GRPR: variants seen among roughly 807,000 people sequenced by gnomAD.
The protein encoded by GRPR is gastrin-releasing peptide receptor.
In GRPR, 4 loss-of-function variants were observed where a neutral mutation model predicts 15.6. The ratio of observed to expected loss-of-function variants is 0.26; its 90% CI spans 0.13 to 0.59. The LOEUF (loss-of-function observed/expected upper bound fraction) is 0.59, where lower values mean the gene tolerates loss of function less well. GRPR is among the 20% of genes least tolerant of loss of function. GRPR has a pLI of 0.90. For synonymous variants in GRPR, 128 were observed against 126.8 expected, an observed-to-expected ratio of 1.01 and a Z score of -0.06; for missense variants, 270 against 304.1, an observed-to-expected ratio of 0.89 and a Z score of 0.83.
In GRPR at chrX:16,124,032, G is replaced by A. The variant is rs779598310; in HGVS notation, c.79G>A (p.Asp27Asn). The change falls in exon 1 of 3, where the codon GAT (aspartate) becomes AAT (asparagine). Residue 27 changes from aspartate (D) to asparagine (N), a missense_variant. By Grantham distance (23) the Asp-to-Asn change is conservative (BLOSUM62 1). Coordinates refer to ENST00000380289, the MANE Select transcript of GRPR (RefSeq NM_005314.3). ...CTGCAACATCTCCAGTCACAGTGCG[G>A]ATCTCCCCGTGAACGATGACTGGTC... ...MHCNISSHSA[D>N]LPVNDDWSHP... The A allele has an allele frequency of 1.1e-4, 131 of 1,200,002 alleles. 1 individual carries two copies. Among genetic ancestry groups the A allele is most frequent in the Non-Finnish European group, 1.3e-4 (113 of 886,326 alleles).
intron 1 of GRPR, among the ~76,000 whole-genome samples, chrX:16,149,751 A>G (rs971403968): frequency 1.8e-5 from 2 of 110,637 alleles, no homozygotes; most frequent in African/African-American, 6.6e-5. Context: ...AAACAAAGGG[A>G]AATTCAGCTT....
Position 16,152,522 on chromosome X carries a change from G to A in GRPR, c.1032G>A (p.Leu344=), listed in dbSNP as rs766377094. ...AGCTGCTCTGTTGCCAGCCTGGCCT[G>A]ATCATCCGGTCTCACAGCACTGGAA... ...NTQLLCCQPG[L]IIRSHSTGRS... Residue 344 remains leucine (L), a synonymous_variant, in exon 3 of 3, where the codon CTG becomes CTA. Coordinates refer to ENST00000380289, the MANE Select transcript of GRPR (RefSeq NM_005314.3). The A allele has an allele frequency of 5.8e-6, 7 of 1,210,430 alleles. No homozygotes were observed. In the South Asian group the frequency reaches 8.8e-5, roughly 15 times the overall value.
At position 16,123,782 on chromosome X, in the gene GRPR, T is replaced by C. The variant is rs751512247; in HGVS notation, c.-172T>C. ...AGCCAGAGCAGCACCAGTGTCAAAATAGTGACAGAGAGTTTTGAATACCAT... is the reference window on the plus strand; with the variant it reads ...AGCCAGAGCAGCACCAGTGTCAAAACAGTGACAGAGAGTTTTGAATACCAT... On this transcript the variant is annotated 5_prime_UTR_variant, in exon 1 of 3. Transcript: ENST00000380289. 1.0e-5 allele frequency: 5 copies of C among 493,169 alleles called. No homozygotes were observed. Among genetic ancestry groups the C allele is most frequent in the Non-Finnish European group, 1.8e-5 (5 of 280,898 alleles). 40.6% of individuals were successfully genotyped at this position (493,169 alleles called of 1,213,427 possible).
chrX:16,140,720 C>A (rs914787683), intron 1 of GRPR, among the ~76,000 whole-genome samples: 1 of 111,885 alleles, frequency 8.9e-6, no homozygotes, highest in Non-Finnish European at 1.9e-5. Context: ...CCCCAGTTGC[C>A]CACCGTGGTG....
At chrX:16,150,243 C>T in intron 1 of GRPR, 62 bp from the exon 2 acceptor site, 1 of 826,995 alleles carries the variant, frequency 1.2e-6, no homozygotes, top group Non-Finnish European at 1.8e-6. Flanking sequence ...TCAACTTAGT[C>T]CTGGCCCTGG....
intron 1 of GRPR, among the ~76,000 whole-genome samples, chrX:16,140,606 A>C (rs767742840): frequency 3.2e-4 from 36 of 111,256 alleles, no homozygotes; most frequent in Non-Finnish European, 4.9e-4. Flanking sequence ...TGTCAACCAG[A>C]GATGAGAGTT....
At chrX:16,143,384 T>C (rs1248002189) in intron 1 of GRPR, among the ~76,000 whole-genome samples, 2 of 112,948 alleles carry the variant, frequency 1.8e-5, no homozygotes, top group African/African-American at 6.4e-5. Flanking sequence ...CTCTGAATCA[T>C]TGAGGTTTTC....
chrX:16,137,418 G>T (rs1201116272), intron 1 of GRPR, among the ~76,000 whole-genome samples: 1 of 112,051 alleles, frequency 8.9e-6, no homozygotes. Flanking sequence ...ATGGGTGGCA[G>T]ACATGAGGGC....
chrX:16,130,857 A>G (rs1467622569), intron 1 of GRPR, among the ~76,000 whole-genome samples: 2 of 112,092 alleles, frequency 1.8e-5, no homozygotes, highest in Non-Finnish European at 3.8e-5. Context: ...CTGGAAGGAA[A>G]CTCAACTCAT....
At chrX:16,137,133 C>T (rs1203493460) in intron 1 of GRPR, among the ~76,000 whole-genome samples, 2 of 111,753 alleles carry the variant, frequency 1.8e-5, no homozygotes, top group Admixed American at 9.5e-5. Context: ...AAAAGGCATA[C>T]ATCTGTGTGA....
chrX:16,124,951 G>A (rs1922266902), intron 1 of GRPR, among the ~76,000 whole-genome samples: 1 of 112,387 alleles, frequency 8.9e-6, no homozygotes, highest in African/African-American at 3.2e-5. Flanking sequence ...TCTCTTAAAT[G>A]AAATCAAACA....
At chrX:16,140,281 G>T (rs1922511765) in intron 1 of GRPR, among the ~76,000 whole-genome samples, 1 of 112,048 alleles carries the variant, frequency 8.9e-6, no homozygotes, top group Non-Finnish European at 1.9e-5. Flanking sequence ...GAGCTGTAAT[G>T]ATTCTTATTT....
chrX:16,150,615 T>C lies in GRPR; in HGVS notation c.724T>C (p.Tyr242His). Residue 242 changes from tyrosine to histidine, a missense_variant, in exon 2 of 3, where the codon TAC (tyrosine) becomes CAC (histidine). This residue lies in a region of GRPR where 133 missense variants were observed against 123.4 expected (regional missense o/e 1.08). Coordinates refer to ENST00000380289, the MANE Select transcript of GRPR (RefSeq NM_005314.3). ...TGCTAAAAATCTGATCCAGAGTGCT[T>C]ACAATCTTCCCGTGGAAGGGAATAT... ...FIAKNLIQSA[Y>H]NLPVEGNIHV... The C allele has an allele frequency of 1.1e-5, 13 of 1,189,198 alleles. No individual in the cohort carries two copies. The highest frequency in any genetic ancestry group is 1.5e-5 in the Non-Finnish European group (13 of 874,696).
At chrX:16,148,746 C>A (rs1327653199) in intron 1 of GRPR, among the ~76,000 whole-genome samples, 4 of 111,357 alleles carry the variant, frequency 3.6e-5, no homozygotes, top group Admixed American at 9.5e-5. Flanking sequence ...ACTCTTTGCC[C>A]ACCAAAGGCT....
At chrX:16,126,878 A>G (rs978113597) in intron 1 of GRPR, among the ~76,000 whole-genome samples, 1 of 111,720 alleles carries the variant, frequency 9.0e-6, no homozygotes, top group Admixed American at 9.5e-5. Flanking sequence ...TAGTTTGGGG[A>G]TGATGATAAC....
At chrX:16,131,998 A>C (rs1367306836) in intron 1 of GRPR, among the ~76,000 whole-genome samples, 3 of 112,298 alleles carry the variant, frequency 2.7e-5, no homozygotes, top group African/African-American at 9.7e-5. Flanking sequence ...CCACCACTAG[A>C]ATATAAGCTC....
At chrX:16,132,863 T>C (rs1290411605) in intron 1 of GRPR, among the ~76,000 whole-genome samples, 3 of 112,086 alleles carry the variant, frequency 2.7e-5, no homozygotes, top group African/African-American at 9.7e-5. Flanking sequence ...CCTAGTAACC[T>C]ATTTTTCATG....
At chrX:16,128,516 AAAT>A (rs397896578) in intron 1 of GRPR, among the ~76,000 whole-genome samples, 6 of 110,463 alleles carry the variant, frequency 5.4e-5, no homozygotes, top group African/African-American at 9.8e-5. Context: ...CTCCATCCCA[AAAT>A]AATAATAATA....
chrX:16,140,812 G>A (rs1353922342), intron 1 of GRPR, among the ~76,000 whole-genome samples: 3 of 111,401 alleles, frequency 2.7e-5, no homozygotes, highest in East Asian at 5.6e-4. Flanking sequence ...TCCTTGCCTC[G>A]GGGTCTGTTT....
Sources: allele counts gnomAD v4.1 joint callset (sites outside exome capture counted in the v4.1 genomes callset), GRCh38; gene constraint gnomAD v4.1.1; regional missense constraint gnomAD v4.1.1; transcripts MANE v1.5; gene names NCBI Gene and HGNC (gene_info 2026-07-23, HGNC 2026-07-21).